TRNAU1AP: variants seen among roughly 807,000 people sequenced by gnomAD.
The protein encoded by TRNAU1AP is tRNA selenocysteine 1-associated protein 1.
TRNAU1AP carries 33 observed loss-of-function variants against 43.3 expected under a neutral mutation model. The ratio of observed to expected loss-of-function variants is 0.76; its 90% CI spans 0.58 to 1.02. TRNAU1AP has a LOEUF of 1.02. Among genes scored for constraint, TRNAU1AP ranks in the 50% least tolerant of loss-of-function variants. The pLI is 0.00. For synonymous variants in TRNAU1AP, 143 were observed against 129.1 expected, an observed-to-expected ratio of 1.11 and a Z score of -0.73; for missense variants, 290 against 362.7, an observed-to-expected ratio of 0.80 and a Z score of 1.63.
At chr1:28,570,493 C>A (rs1665641259) in intron 6 of TRNAU1AP, among the ~76,000 whole-genome samples, 1 of 151,928 alleles carries the variant, frequency 6.6e-6, no homozygotes, top group African/African-American at 2.4e-5. Flanking sequence ...GGTGACCCAC[C>A]TGCCTTCGCC....
At chr1:28,564,627 C>T in intron 4 of TRNAU1AP, 76 bp from the exon 5 acceptor site, 2 of 1,536,766 alleles carry the variant, frequency 1.3e-6, no homozygotes, top group Non-Finnish European at 8.8e-7. Context: ...AGAGGTTTAC[C>T]TGGAATATGC....
intron 4 of TRNAU1AP, among the ~76,000 whole-genome samples, chr1:28,563,178 G>A (rs970563142): frequency 6.6e-6 from 1 of 151,850 alleles, no homozygotes; most frequent in African/African-American, 2.4e-5. Context: ...ACAGGCATGA[G>A]CCACTGCGCC....
Position 28,553,696 on chromosome 1 carries a change from G to A in TRNAU1AP, c.84G>A (p.Glu28=). Residue 28 remains glutamate (E), a synonymous_variant, in exon 2 of 9, where the codon GAG becomes GAA. Coordinates refer to ENST00000373830, the MANE Select transcript of TRNAU1AP (RefSeq NM_017846.5). ...FISRAFATMG[E]TVMSVKIIRN... is the part of the protein sequence containing the mutation. The stretch of plus-strand genomic sequence containing the variant: ...CCAGAGCCTTTGCCACCATGGGGGA[G>A]ACCGTAATGAGCGTCAAAATTATCC... The A allele has an allele frequency of 6.2e-7, 1 of 1,614,196 alleles. No homozygotes were observed. The highest frequency in any genetic ancestry group is 8.5e-7 in the Non-Finnish European group (1 of 1,180,046).
intron 4 of TRNAU1AP, among the ~76,000 whole-genome samples, chr1:28,562,388 T>A (rs1017434907): frequency 2.6e-5 from 4 of 152,028 alleles, no homozygotes; most frequent in Non-Finnish European, 5.9e-5. Context: ...GTCATTGCAG[T>A]ATACTGACAT....
intron 6 of TRNAU1AP, among the ~76,000 whole-genome samples, chr1:28,569,103 G>A (rs966013373): frequency 2.0e-5 from 3 of 152,070 alleles, no homozygotes; most frequent in Non-Finnish European, 4.4e-5. Context: ...GAGCCACTGC[G>A]CCCAGCCAAA....
chr1:28,577,803 G>A lies in TRNAU1AP; in HGVS notation c.*167G>A, dbSNP rs549715609. The stretch of plus-strand genomic sequence containing the variant: ...CTGCTGCATTCATTTGACCATTTGA[G>A]TTTGAAGACCAAGGGAACAACTTTT... On this transcript the variant is annotated 3_prime_UTR_variant, in exon 9 of 9. Transcript: ENST00000373830. 8.5e-5 allele frequency: 64 copies of A among 753,574 alleles called. 1 individual carries two copies. In the South Asian group the frequency reaches 1.2e-3, roughly 15 times the overall value. 46.7% of individuals were successfully genotyped at this position (753,574 alleles called of 1,614,324 possible). A position where few individuals can be genotyped will look rare whatever the true frequency, so the allele number is the denominator to read the frequency against.
Position 28,577,677 on chromosome 1 carries a change from A to G in TRNAU1AP, c.*41A>G, listed in dbSNP as rs1366209734. On this transcript the variant is annotated 3_prime_UTR_variant, in exon 9 of 9. Coordinates refer to ENST00000373830, the MANE Select transcript of TRNAU1AP (RefSeq NM_017846.5). ...AGCCAGGTTGCATGATGTGAGGGAG[A>G]TGAGAGACTCCTTTTTAAAAATTGT... The G allele has an allele frequency of 6.4e-7, 1 of 1,555,960 alleles. No homozygotes were observed. Among genetic ancestry groups the G allele is most frequent in the Non-Finnish European group, 8.7e-7 (1 of 1,151,758 alleles).
intron 8 of TRNAU1AP, among the ~76,000 whole-genome samples, chr1:28,576,156 G>GT (rs58148511): frequency 0.25 from 34,379 of 137,462 alleles, 4,310 homozygotes; most frequent in Middle Eastern, 0.34. Context: ...ACAGTGCCCA[G>GT]TTTTTTTTTT....
chr1:28,563,862 A>C (rs1248375972), intron 4 of TRNAU1AP, among the ~76,000 whole-genome samples: 1 of 150,958 alleles, frequency 6.6e-6, no homozygotes, highest in Non-Finnish European at 1.5e-5. Context: ...AACAAAAAGA[A>C]AAAAAAAATA....
chr1:28,567,395 G>A lies in TRNAU1AP; in HGVS notation c.512G>A (p.Ser171Asn). ...VGLGSKPVRL[S>N]VAIPKASRVK... The stretch of plus-strand genomic sequence containing the variant: ...CTGGGGTCTAAGCCTGTGCGGCTGA[G>A]CGTGGCAATCCCTAAAGCGTGAGTC... Residue 171 changes from serine to asparagine, a missense_variant, in exon 6 of 9, where the codon AGC becomes AAC. This residue lies in a region of TRNAU1AP where 174 missense variants were observed against 262.1 expected (regional missense o/e 0.66). Transcript: ENST00000373830. 6.2e-7 allele frequency: 1 copy of A among 1,609,602 alleles called. No individual in the cohort carries two copies. The highest frequency in any genetic ancestry group is 8.5e-7 in the Non-Finnish European group (1 of 1,179,012).
chr1:28,562,836 C>T (rs1408492910), intron 4 of TRNAU1AP, among the ~76,000 whole-genome samples: 31 of 151,398 alleles, frequency 2.0e-4, no homozygotes, highest in Non-Finnish European at 2.9e-5. Flanking sequence ...CCACCTCAGC[C>T]TCCCGAAGTG....
intron 8 of TRNAU1AP, among the ~76,000 whole-genome samples, chr1:28,574,420 A>G (rs779529628): frequency 3.3e-5 from 5 of 151,790 alleles, no homozygotes; most frequent in South Asian, 4.2e-4. Flanking sequence ...ATTTCACAGA[A>G]GAAAAAGGAA....
At chr1:28,573,127 G>A (rs972564190) in intron 8 of TRNAU1AP, among the ~76,000 whole-genome samples, 6 of 144,408 alleles carry the variant, frequency 4.2e-5, no homozygotes, top group African/African-American at 1.5e-4. Context: ...CCCGCCTCCC[G>A]GGTGCAAGTG....
intron 3 of TRNAU1AP, 148 bp downstream of exon 3, chr1:28,560,880 G>A: frequency 1.2e-6 from 1 of 855,534 alleles, no homozygotes; most frequent in South Asian, 2.1e-5. Context: ...CCAGGAAACT[G>A]AAGCTCAGGG....
chr1:28,568,231 G>A (rs1209535302), intron 6 of TRNAU1AP, among the ~76,000 whole-genome samples: 1 of 152,174 alleles, frequency 6.6e-6, no homozygotes, highest in Non-Finnish European at 1.5e-5. Context: ...CACCTGTCAT[G>A]CTAGGTAGAA....
Position 28,553,842 on chromosome 1 carries a change from C to A in TRNAU1AP, c.125+105C>A, listed in dbSNP as rs931835147. On this transcript the variant is annotated intron_variant, in intron 2 of 8. Coordinates refer to ENST00000373830, the MANE Select transcript of TRNAU1AP (RefSeq NM_017846.5). ...TTCTCACTACCCCTAGTAATAGTCA[C>A]TGTAAAATTATAACAGCTAACATTT... is the stretch of plus-strand genomic sequence containing the variant. The A allele has an allele frequency of 5.0e-6, 5 of 1,007,894 alleles. No individual in the cohort carries two copies. In the African/African-American group the frequency reaches 8.1e-5, roughly 16 times the overall value. 62.4% of individuals were successfully genotyped at this position (1,007,894 alleles called of 1,614,324 possible). A position where few individuals can be genotyped will look rare whatever the true frequency, so the allele number is the denominator to read the frequency against.
At chr1:28,566,314 CAAAA>C (rs58656186) in intron 5 of TRNAU1AP, among the ~76,000 whole-genome samples, 1 of 105,658 alleles carries the variant, frequency 9.5e-6, no homozygotes, top group Admixed American at 1.1e-4. Context: ...GACTCCATCT[CAAAA>C]AAAAAAAAAA....
In TRNAU1AP at chr1:28,577,545, T is replaced by C. The variant is rs1162031025; in HGVS notation, c.773T>C (p.Met258Thr). 6 of 1,613,940 alleles carry C rather than the reference T, an allele frequency of 3.7e-6. No individual in the cohort carries two copies. Among genetic ancestry groups the C allele is most frequent in the Non-Finnish European group, 5.1e-6 (6 of 1,179,998 alleles). ...GTGACTGAGGCCAACAAGGAGTTCA[T>C]GGAACAGAGTGAGGAGCTGTATGAC... ...LDVTEANKEF[M>T]EQSEELYDAL... Residue 258 changes from methionine to threonine, a missense_variant, in exon 9 of 9, where the codon ATG becomes ACG. Physicochemically the swap from Met to Thr is moderately conservative, Grantham distance 81. Coordinates refer to ENST00000373830, the MANE Select transcript of TRNAU1AP (RefSeq NM_017846.5).
rs74568169 is a variant in TRNAU1AP at position 28,560,558 on chromosome 1, G to A, written c.126-75G>A. On this transcript the variant is annotated intron_variant, in intron 2 of 8. Transcript: ENST00000373830. The stretch of plus-strand genomic sequence containing the variant: ...CCCAAACTGTTGGGATTATATGCGT[G>A]AGCCATCACGCCTGGCCTCATCTTG... 2.5e-5 allele frequency: 31 copies of A among 1,232,642 alleles called. No homozygotes were observed. In the East Asian group the frequency reaches 7.2e-4, roughly 29 times the overall value. 76.4% of individuals were successfully genotyped at this position (1,232,642 alleles called of 1,614,324 possible). A position where few individuals can be genotyped will look rare whatever the true frequency, so the allele number is the denominator to read the frequency against.
Sources: allele counts gnomAD v4.1 joint callset (sites outside exome capture counted in the v4.1 genomes callset), GRCh38; gene constraint gnomAD v4.1.1; regional missense constraint gnomAD v4.1.1; transcripts MANE v1.5; gene names NCBI Gene and HGNC (gene_info 2026-07-23, HGNC 2026-07-21).